The following COPS4 variants were observed in gnomAD, a reference collection of about 807,000 sequenced individuals.
The protein encoded by COPS4 is COP9 signalosome complex subunit 4.
In COPS4, 8 loss-of-function variants were observed where a neutral mutation model predicts 55.1. The ratio of observed to expected loss-of-function variants is 0.15; its 90% CI spans 0.09 to 0.26. The LOEUF (loss-of-function observed/expected upper bound fraction) is 0.26. Among genes scored for constraint, COPS4 ranks in the 10% least tolerant of loss-of-function variants. The pLI, the probability that COPS4 is intolerant of heterozygous loss-of-function variation, is 1.00. For synonymous variants in COPS4, 185 were observed against 165.7 expected (o/e 1.12, Z -0.90); for missense variants, 248 against 484.0 (o/e 0.51, Z 4.58).
intron 4 of COPS4, among the ~76,000 whole-genome samples, chr4:83,056,660 G>A (rs75262718): frequency 0.26 from 38,932 of 151,880 alleles, 5,273 homozygotes; most frequent in East Asian, 0.5. Flanking sequence ...TTAGCTGGGC[G>A]TGGTGGCTGC....
chr4:83,071,230 G>A (rs1395882730), intron 9 of COPS4, among the ~76,000 whole-genome samples: 1 of 151,994 alleles, frequency 6.6e-6, no homozygotes. Context: ...ATTTTCCATG[G>A]TACATCCAAC....
At chr4:83,074,865 G>A (rs1196819779) in intron 9 of COPS4, among the ~76,000 whole-genome samples, 1 of 151,864 alleles carries the variant, frequency 6.6e-6, no homozygotes, top group Non-Finnish European at 1.5e-5. Context: ...GCTCATGCCT[G>A]TAATCCCAGC....
intron 6 of COPS4, among the ~76,000 whole-genome samples, chr4:83,061,709 G>A (rs1731167830): frequency 6.7e-6 from 1 of 149,858 alleles, no homozygotes; most frequent in Non-Finnish European, 1.5e-5. Flanking sequence ...ACTAGATTAT[G>A]TCTTTTTTTT....
At chr4:83,045,861 A>C (rs1730696190) in intron 2 of COPS4, among the ~76,000 whole-genome samples, 156 bp downstream of exon 2, 1 of 152,204 alleles carries the variant, frequency 6.6e-6, no homozygotes, top group African/African-American at 2.4e-5. Context: ...ATTAATTTTC[A>C]GTGAATTATC....
chr4:83,052,872 C>G (rs1578710474), intron 4 of COPS4, among the ~76,000 whole-genome samples: 1 of 152,150 alleles, frequency 6.6e-6, no homozygotes, highest in Non-Finnish European at 1.5e-5. Flanking sequence ...CAGGTGTGAG[C>G]CACCATGCCC....
chr4:83,065,055 T>G (rs970190292), intron 7 of COPS4: 12 of 692,064 alleles, frequency 1.7e-5, no homozygotes, highest in Non-Finnish European at 3.2e-5. Context: ...TAAATTTTTT[T>G]GTAGAGACAG....
chr4:83,069,816 G>A (rs761913203), intron 9 of COPS4, among the ~76,000 whole-genome samples: 4 of 151,606 alleles, frequency 2.6e-5, no homozygotes, highest in Non-Finnish European at 5.9e-5. Flanking sequence ...GATGGTTTTC[G>A]TCACCCTGTC....
chr4:83,049,325 T>C lies in COPS4; in HGVS notation c.306+8T>C, dbSNP rs746356249. On this transcript the variant is annotated splice_region_variant and intron_variant, in intron 3 of 9. Transcript: ENST00000264389. ...ATTTCATTTGAGGAGCAGGTAAAAATCTAGAGAAGTGGTTTTTTAACTTGA... is the reference window on the plus strand; with the variant it reads ...ATTTCATTTGAGGAGCAGGTAAAAACCTAGAGAAGTGGTTTTTTAACTTGA... 1.9e-6 allele frequency: 3 copies of C among 1,561,740 alleles called. No individual in the cohort carries two copies. The African/African-American group carries it at 4.2e-5, about 22-fold the overall frequency.
intron 1 of COPS4, among the ~76,000 whole-genome samples, chr4:83,037,396 T>C (rs768723236): frequency 7.2e-5 from 11 of 152,190 alleles, no homozygotes; most frequent in Non-Finnish European, 1.5e-4. Flanking sequence ...ACACGATTCA[T>C]TGGAAGCCGT....
chr4:83,073,186 C>G (rs1421825909), intron 9 of COPS4: 1 of 653,746 alleles, frequency 1.5e-6, no homozygotes, highest in Non-Finnish European at 2.8e-6. Flanking sequence ...CAGTTACTCT[C>G]CATTCCTTCC....
intron 9 of COPS4, 139 bp from the exon 10 acceptor site, chr4:83,075,158 C>A: frequency 2.9e-6 from 2 of 678,420 alleles, no homozygotes; most frequent in South Asian, 2.2e-5. Flanking sequence ...TTTTGAATAG[C>A]TTTTTTCTGT....
intron 2 of COPS4, among the ~76,000 whole-genome samples, chr4:83,048,172 A>C (rs904957204): frequency 2.0e-5 from 3 of 152,156 alleles, no homozygotes; most frequent in African/African-American, 7.2e-5. Context: ...CTTCATAACA[A>C]CCTTATGAAA....
At chr4:83,042,315 A>T (rs541865163) in intron 1 of COPS4, among the ~76,000 whole-genome samples, 1 of 152,302 alleles carries the variant, frequency 6.6e-6, no homozygotes, top group African/African-American at 2.4e-5. Flanking sequence ...ATGCCTAAGG[A>T]CTCAATTAAC....
At position 83,075,454 on chromosome 4, in the gene COPS4, A is replaced by G. The variant is rs752406964; in HGVS notation, c.*24A>G. 5.0e-6 allele frequency: 8 copies of G among 1,613,144 alleles called. No individual in the cohort carries two copies. The highest frequency in any genetic ancestry group is 6.8e-6 in the Non-Finnish European group (8 of 1,179,604). On this transcript the variant is annotated 3_prime_UTR_variant, in exon 10 of 10. Transcript: ENST00000264389. ...GAATCCTTGCAGAACTTCTGTGCAC[A>G]TGACATCTTTTTCCATGTTGTGCAG...
chr4:83,048,428 A>C (rs937744440), intron 2 of COPS4, among the ~76,000 whole-genome samples: 2 of 152,200 alleles, frequency 1.3e-5, no homozygotes, highest in African/African-American at 4.8e-5. Context: ...GCTTTATTTA[A>C]ATTTCATGAA....
At chr4:83,074,090 C>T (rs553999146) in intron 9 of COPS4, among the ~76,000 whole-genome samples, 2 of 152,106 alleles carry the variant, frequency 1.3e-5, no homozygotes, top group South Asian at 4.2e-4. Context: ...TAAGAGAAAA[C>T]CCTGGTGGAT....
chr4:83,062,215 TA>T (rs1218460498), intron 6 of COPS4, among the ~76,000 whole-genome samples: 6 of 152,250 alleles, frequency 3.9e-5, no homozygotes, highest in African/African-American at 1.4e-4. Context: ...TTTCATCTTT[TA>T]TAAATTTTTA....
At chr4:83,052,313 T>C (rs566942325) in intron 4 of COPS4, among the ~76,000 whole-genome samples, 1 of 151,846 alleles carries the variant, frequency 6.6e-6, no homozygotes, top group Non-Finnish European at 1.5e-5. Flanking sequence ...CTTGCAGGAG[T>C]AGACAAGAGA....
rs763456024 is a variant in COPS4 at position 83,064,940 on chromosome 4, C to A, written c.887-1498C>A. ...GGTCTCACTCTTTTGCCCAGGCTGGCGCTGGCATGATGCCATAGCTCACTG... is the reference window on the plus strand; with the variant it reads ...GGTCTCACTCTTTTGCCCAGGCTGGAGCTGGCATGATGCCATAGCTCACTG... On this transcript the variant is annotated intron_variant, in intron 7 of 9. Transcript: ENST00000264389. 1.7e-5 allele frequency: 3 copies of A among 178,266 alleles called. No homozygotes were observed. The South Asian group carries it at 2.6e-4, about 15-fold the overall frequency. The allele number at this position is 178,266 out of a possible 1,614,324, so 11.0% of individuals were successfully genotyped here.
Sources: allele counts gnomAD v4.1 joint callset (sites outside exome capture counted in the v4.1 genomes callset), GRCh38; gene constraint gnomAD v4.1.1; transcripts MANE v1.5; gene names NCBI Gene and HGNC (gene_info 2026-07-23, HGNC 2026-07-21).